TRIB3: variants seen among roughly 807,000 people sequenced by gnomAD.
The protein encoded by TRIB3 is tribbles homolog 3.
In TRIB3, 20 loss-of-function variants were observed where a neutral mutation model predicts 16.6. The observed-to-expected ratio is 1.20, with a 90% CI of 0.85 to 1.75. The LOEUF is 1.75. Ranked by LOEUF, TRIB3 falls within the 40% of genes most tolerant of loss-of-function variation. The pLI, the probability that TRIB3 is intolerant of heterozygous loss-of-function variation, is 0.00. For missense variants in TRIB3, 484 were observed against 488.9 expected, an observed-to-expected ratio of 0.99 and a Z score of 0.10; for synonymous variants, 208 against 217.0, an observed-to-expected ratio of 0.96 and a Z score of 0.36.
intron 3 of TRIB3, 79 bp downstream of exon 3, chr20:391,658 A>T (rs894358143): frequency 1.3e-6 from 2 of 1,514,912 alleles, no homozygotes; most frequent in East Asian, 4.6e-5. Flanking sequence ...AGGCCCAGGA[A>T]GGCAAGGTAA....
chr20:394,627 T>A (rs1045715282), intron 3 of TRIB3, among the ~76,000 whole-genome samples: 2 of 151,460 alleles, frequency 1.3e-5, no homozygotes, highest in Non-Finnish European at 2.9e-5. Context: ...GTACAAAAAA[T>A]TTATAAAAAT....
At chr20:382,291 A>C in intron 1 of TRIB3, 1 of 490,558 alleles carries the variant, frequency 2.0e-6, no homozygotes, top group South Asian at 2.9e-5. Flanking sequence ...AGATGTATAG[A>C]CTCAGTTACC....
intron 2 of TRIB3, among the ~76,000 whole-genome samples, chr20:389,433 C>T (rs1001178207): frequency 1.3e-5 from 2 of 152,132 alleles, no homozygotes; most frequent in Admixed American, 1.3e-4. Flanking sequence ...GCCTGGGTCC[C>T]TTGGGAATGC....
At chr20:395,334 T>C (rs937356906) in intron 3 of TRIB3, among the ~76,000 whole-genome samples, 152 of 151,568 alleles carry the variant, frequency 1.0e-3, no homozygotes, top group African/African-American at 3.5e-3. Context: ...CTAATTTTCG[T>C]ATTTTTTGTA....
intron 1 of TRIB3, among the ~76,000 whole-genome samples, chr20:382,124 T>TGTGTGTGTGTGC (rs1328381663): frequency 1.0e-4 from 12 of 115,366 alleles, no homozygotes; most frequent in African/African-American, 2.6e-4. Context: ...TGTGTGTGTG[T>TGTGTGTGTGTGC]GTGCGTGCGC....
At chr20:382,418 T>C (rs1377054483) in intron 1 of TRIB3, 1 of 1,041,464 alleles carries the variant, frequency 9.6e-7, no homozygotes, top group Non-Finnish European at 1.4e-6. Flanking sequence ...CTCCAGGCAG[T>C]CTCCTGCTGC....
intron 2 of TRIB3, among the ~76,000 whole-genome samples, chr20:388,926 G>A (rs926062427): frequency 9.2e-5 from 14 of 152,088 alleles, no homozygotes; most frequent in African/African-American, 2.9e-4. Context: ...AGGGCCATGC[G>A]TGAAGTCACA....
At chr20:391,252 TC>T (rs1242789970) in intron 2 of TRIB3, 34 bp from the exon 3 acceptor site, 1 of 1,591,020 alleles carries the variant, frequency 6.3e-7, no homozygotes, top group Non-Finnish European at 8.6e-7. Context: ...CTCCCGGGAG[TC>T]CCCAGCTGTG....
At chr20:385,701 C>T (rs1600247878) in intron 1 of TRIB3, 3 of 151,994 alleles carry the variant, frequency 2.0e-5, no homozygotes, top group African/African-American at 7.3e-5. Flanking sequence ...TATGACTCTC[C>T]GTGTCACCTG....
rs553210578 is a variant in TRIB3, at chr20:380,991, G to C, written c.-179G>C. On this transcript the variant is annotated 5_prime_UTR_variant, in exon 1 of 4. Coordinates refer to ENST00000217233, the MANE Select transcript of TRIB3 (RefSeq NM_021158.5). ...CCCGGACCGGGGGCCGGGCGCGCAC[G>C]AGACTCGCAGCGGAAGTGGAGGCGG... The C allele has an allele frequency of 8.4e-4, 89 of 105,934 alleles. No individual in the cohort carries two copies. The highest frequency in any genetic ancestry group is 2.4e-3 in the African/African-American group (85 of 35,906). 6.6% of individuals were successfully genotyped at this position (105,934 alleles called of 1,614,324 possible).
Position 388,106 on chromosome 20 carries a change from G to A in TRIB3, c.96G>A (p.Gln32=). Residue 32 remains glutamine (Q), a synonymous_variant, in exon 2 of 4, where the codon CAG becomes CAA. Transcript: ENST00000217233. ...DDNLDTERPV[Q]KRARSGPQPR... Reference sequence around the variant, plus strand: ...ACTTAGATACCGAGCGTCCCGTCCAGAAACGAGCTCGAAGTGGGCCCCAGC... The same window carrying A: ...ACTTAGATACCGAGCGTCCCGTCCAAAAACGAGCTCGAAGTGGGCCCCAGC... The A allele has an allele frequency of 6.2e-7, 1 of 1,614,158 alleles. No homozygotes were observed. The highest frequency in any genetic ancestry group is 1.1e-5 in the South Asian group (1 of 91,086).
chr20:390,202 C>T (rs2014934613), intron 2 of TRIB3, among the ~76,000 whole-genome samples: 1 of 151,992 alleles, frequency 6.6e-6, no homozygotes, highest in African/African-American at 2.4e-5. Context: ...GTGGCAGGGG[C>T]CTGTAATCCC....
chr20:391,525 G>A lies in TRIB3; in HGVS notation c.530G>A (p.Gly177Asp), dbSNP rs777366623. The change falls in exon 3 of 4, where the codon GGT becomes GAT. Residue 177 changes from glycine (G) to aspartate (D), a missense_variant. Physicochemically the swap from Gly to Asp is moderately conservative, Grantham distance 94. Coordinates refer to ENST00000217233, the MANE Select transcript of TRIB3 (RefSeq NM_021158.5). ...GCCCTGGCGCACTGTCACCAGCACG[G>A]TCTGGTCCTGCGTGATCTCAAGCTG... Reference protein sequence around the residue: ...ATALAHCHQHGLVLRDLKLCR... With the variant: ...ATALAHCHQHDLVLRDLKLCR... 1.2e-6 allele frequency: 2 copies of A among 1,613,566 alleles called. No individual in the cohort carries two copies. Among genetic ancestry groups the A allele is most frequent in the Admixed American group, 3.3e-5 (2 of 60,020 alleles).
chr20:392,718 G>A (rs1275692178), intron 3 of TRIB3, among the ~76,000 whole-genome samples: 1 of 151,988 alleles, frequency 6.6e-6, no homozygotes, highest in Non-Finnish European at 1.5e-5. Flanking sequence ...CACCATGCCT[G>A]GCTCATTTTT....
At chr20:384,556 G>T (rs936453929) in intron 1 of TRIB3, among the ~76,000 whole-genome samples, 2 of 152,108 alleles carry the variant, frequency 1.3e-5, no homozygotes, top group African/African-American at 2.4e-5. Context: ...TAGAGATGGG[G>T]TTTCACCATG....
chr20:381,293 GC>G (rs2014636371), intron 1 of TRIB3, 124 bp downstream of exon 1: 1 of 152,246 alleles, frequency 6.6e-6, no homozygotes, highest in Admixed American at 6.5e-5. Flanking sequence ...ACGCACGCAC[GC>G]CCCTTACACA....
intron 3 of TRIB3, among the ~76,000 whole-genome samples, chr20:393,434 T>C (rs1029891060): frequency 3.9e-5 from 6 of 152,014 alleles, no homozygotes; most frequent in African/African-American, 1.4e-4. Flanking sequence ...CGGGCTCAAG[T>C]GATCCTCCCA....
In TRIB3 at chr20:396,590, G is replaced by A. The variant is rs146704824; in HGVS notation, c.977G>A (p.Arg326Gln). 79 of 1,612,966 alleles carry A rather than the reference G, an allele frequency of 4.9e-5. No homozygotes were observed. Among genetic ancestry groups the A allele is most frequent in the East Asian group, 2.0e-4 (9 of 44,888 alleles). Residue 326 changes from arginine to glutamine, a missense_variant, in exon 4 of 4, where the codon CGA becomes CAA. Transcript: ENST00000217233. ...GACCCGATGCCCTTAGCCCCAACCC[G>A]ATCCCATCTCTGGGAGGCTGCCCAG... is the stretch of plus-strand genomic sequence containing the variant. ...RQDPMPLAPTRSHLWEAAQVV... is the reference protein window; with the variant it reads ...RQDPMPLAPTQSHLWEAAQVV...
chr20:386,064 A>G (rs1402540898), intron 1 of TRIB3, among the ~76,000 whole-genome samples: 1 of 151,974 alleles, frequency 6.6e-6, no homozygotes, highest in Non-Finnish European at 1.5e-5. Context: ...GGGTCTCACT[A>G]TGTTGCCCAA....
Sources: allele counts gnomAD v4.1 joint callset (sites outside exome capture counted in the v4.1 genomes callset), GRCh38; gene constraint gnomAD v4.1.1; transcripts MANE v1.5; gene names NCBI Gene and HGNC (gene_info 2026-07-23, HGNC 2026-07-21).